Variants in PIP5K1B observed in about 807,000 individuals in gnomAD.
The protein encoded by PIP5K1B is phosphatidylinositol 4-phosphate 5-kinase type-1 beta.
PIP5K1B carries 42 observed loss-of-function variants against 67.0 expected under a neutral mutation model. The observed-to-expected ratio is 0.63, with a 90% confidence interval of 0.49 to 0.81. PIP5K1B has a LOEUF of 0.81. Among genes scored for constraint, PIP5K1B ranks in the 30% least tolerant of loss-of-function variants. The pLI, the probability that PIP5K1B is intolerant of heterozygous loss-of-function variation, is 0.00. For synonymous variants in PIP5K1B, 214 were observed against 231.4 expected (o/e 0.92, Z 0.68); for missense variants, 459 against 646.3 (o/e 0.71, Z 3.14).
At chr9:68,941,337 A>G (rs1324722772) in intron 14 of PIP5K1B, among the ~76,000 whole-genome samples, 4 of 152,224 alleles carry the variant, frequency 2.6e-5, no homozygotes, top group Admixed American at 6.5e-5. Context: ...GATAGGCCCA[A>G]TATAATCACA....
intron 2 of PIP5K1B, among the ~76,000 whole-genome samples, chr9:68,792,860 G>T (rs1246800041): frequency 6.6e-6 from 1 of 152,162 alleles, no homozygotes; most frequent in African/African-American, 2.4e-5. Flanking sequence ...TTTATAGTTT[G>T]CTGAGACTAG....
chr9:68,856,903 G>A (rs1291593559), intron 4 of PIP5K1B, among the ~76,000 whole-genome samples: 1 of 152,174 alleles, frequency 6.6e-6, no homozygotes, highest in Non-Finnish European at 1.5e-5. Flanking sequence ...AGAAGACATT[G>A]CCAATAACTT....
At chr9:68,955,351 A>G (rs1026191727) in intron 14 of PIP5K1B, among the ~76,000 whole-genome samples, 2 of 152,260 alleles carry the variant, frequency 1.3e-5, no homozygotes, top group African/African-American at 4.8e-5. Flanking sequence ...TAATTAGTAC[A>G]TCTGACTTTT....
intron 15 of PIP5K1B, among the ~76,000 whole-genome samples, chr9:68,995,954 G>T (rs1277876370): frequency 1.3e-5 from 2 of 152,244 alleles, no homozygotes; most frequent in African/African-American, 4.8e-5. Context: ...GCAGTTGGAA[G>T]CTTCTCTAGT....
At chr9:68,973,210 A>T (rs536686785) in intron 14 of PIP5K1B, among the ~76,000 whole-genome samples, 23 of 152,126 alleles carry the variant, frequency 1.5e-4, no homozygotes, top group African/African-American at 5.6e-4. Context: ...GTTGCAGTGA[A>T]CTCCAGCCTG....
intron 15 of PIP5K1B, among the ~76,000 whole-genome samples, chr9:68,998,638 C>T (rs886352494): frequency 1.3e-5 from 2 of 152,044 alleles, no homozygotes; most frequent in South Asian, 2.1e-4. Context: ...TTGGGGTCTG[C>T]GAGGCCCTGA....
intron 8 of PIP5K1B, among the ~76,000 whole-genome samples, chr9:68,908,318 C>G (rs1202242886): frequency 1.3e-5 from 2 of 151,700 alleles, no homozygotes; most frequent in Non-Finnish European, 2.9e-5. Context: ...CAAATTCATC[C>G]AGCATAGGAA....
intron 4 of PIP5K1B, among the ~76,000 whole-genome samples, chr9:68,844,788 C>G (rs1822103777): frequency 6.6e-6 from 1 of 152,230 alleles, no homozygotes; most frequent in African/African-American, 2.4e-5. Context: ...CTGGAAATTG[C>G]ACATGGGTGA....
chr9:68,763,275 G>C (rs1308836363), intron 2 of PIP5K1B, among the ~76,000 whole-genome samples: 2 of 152,088 alleles, frequency 1.3e-5, no homozygotes, highest in African/African-American at 2.4e-5. Context: ...AGATATTTGA[G>C]TATGACTTAA....
At chr9:68,772,386 A>T (rs11143691) in intron 2 of PIP5K1B, among the ~76,000 whole-genome samples, 16,554 of 152,278 alleles carry the variant, frequency 0.11, 1,091 homozygotes, top group Non-Finnish European at 0.16. Context: ...TTGTATGCCA[A>T]GAAGGATGGT....
intron 12 of PIP5K1B, among the ~76,000 whole-genome samples, chr9:68,929,656 T>TTTTTTG (rs543374560): frequency 6.0e-5 from 9 of 150,764 alleles, no homozygotes; most frequent in Non-Finnish European, 1.0e-4. Flanking sequence ...ACTTTCAGTT[T>TTTTTTG]TTTTTGTTTT....
intron 2 of PIP5K1B, among the ~76,000 whole-genome samples, chr9:68,778,964 G>T (rs1238491236): frequency 5.9e-5 from 9 of 151,916 alleles, no homozygotes; most frequent in Admixed American, 5.9e-4. Flanking sequence ...AACTCTAATT[G>T]TCCCCTGACT....
chr9:68,780,573 A>G lies in PIP5K1B; in HGVS notation c.-85-37888A>G, dbSNP rs767358169. The G allele has an allele frequency of 1.9e-6, 3 of 1,614,172 alleles. No individual in the cohort carries two copies. In the East Asian group the frequency reaches 6.7e-5, roughly 36 times the overall value. On this transcript the variant is annotated intron_variant, in intron 2 of 15. Coordinates refer to ENST00000265382, the MANE Select transcript of PIP5K1B (RefSeq NM_003558.4). ...GGAGAAATCCGCCTCCCCCAAGCGC[A>G]TCGATTTCATTCCTGTGTCACCAGC...
intron 2 of PIP5K1B, among the ~76,000 whole-genome samples, chr9:68,790,591 A>AGC (rs1019639516): frequency 4.3e-5 from 6 of 138,738 alleles, no homozygotes; most frequent in Non-Finnish European, 8.1e-5. Context: ...AACGCACATG[A>AGC]GCGCGCACAC....
intron 2 of PIP5K1B, among the ~76,000 whole-genome samples, chr9:68,817,960 T>G (rs1409032807): frequency 6.6e-6 from 1 of 152,198 alleles, no homozygotes; most frequent in East Asian, 1.9e-4. Flanking sequence ...TTTTTTGAAC[T>G]TTTCTTTGAA....
intron 2 of PIP5K1B, among the ~76,000 whole-genome samples, chr9:68,801,118 C>A (rs1832579647): frequency 6.6e-6 from 1 of 152,178 alleles, no homozygotes; most frequent in African/African-American, 2.4e-5. Context: ...ATGCCCCTGC[C>A]TTCCTTCTGA....
At chr9:68,896,873 C>G (rs1343871264) in intron 8 of PIP5K1B, among the ~76,000 whole-genome samples, 2 of 152,168 alleles carry the variant, frequency 1.3e-5, no homozygotes, top group Non-Finnish European at 2.9e-5. Context: ...CTCTCCTCCC[C>G]CCAAAAAATG....
chr9:68,999,963 G>A (rs182969203), intron 15 of PIP5K1B, among the ~76,000 whole-genome samples: 16 of 152,288 alleles, frequency 1.1e-4, no homozygotes, highest in Middle Eastern at 3.4e-3. Context: ...AGCAGGCGGC[G>A]GGGGTATGTC....
chr9:68,802,696 G>T (rs1832664793), intron 2 of PIP5K1B, among the ~76,000 whole-genome samples: 1 of 152,002 alleles, frequency 6.6e-6, no homozygotes, highest in Non-Finnish European at 1.5e-5. Flanking sequence ...GAGTGAAGGG[G>T]ATGTGCCAGG....
Sources: gnomAD v4.1 joint callset for allele counts (sites outside exome capture counted in the v4.1 genomes callset) on GRCh38, gnomAD v4.1.1 for gene constraint, MANE v1.5 for transcripts, NCBI Gene and HGNC (gene_info 2026-07-23, HGNC 2026-07-21) for gene names.